The following MGAT4C variants were observed in gnomAD, a reference collection of about 807,000 sequenced individuals.
MGAT4C encodes alpha-1,3-mannosyl-glycoprotein 4-beta-N-acetylglucosaminyltransferase C.
Under a neutral mutation model 40.1 loss-of-function variants are expected in MGAT4C, and 19 were observed. The ratio of observed to expected loss-of-function variants is 0.47; its 90% CI spans 0.33 to 0.70. MGAT4C has a LOEUF of 0.70. Ranked by LOEUF, MGAT4C falls within the 30% of genes least tolerant of loss-of-function variation. The probability of loss-of-function intolerance (pLI) is 0.02; values close to 1 mark genes in which losing one functional copy is unlikely to be tolerated. For missense variants in MGAT4C, 491 were observed against 563.2 expected (o/e 0.87, Z 1.30); for synonymous variants, 181 against 187.1 (o/e 0.97, Z 0.27).
chr12:86,655,036 T>C (rs1963808334), intron 2 of MGAT4C, among the ~76,000 whole-genome samples: 1 of 152,048 alleles, frequency 6.6e-6, no homozygotes, highest in African/African-American at 2.4e-5. Flanking sequence ...TTGAATACTA[T>C]GCAGTTCTTT....
intron 2 of MGAT4C, among the ~76,000 whole-genome samples, chr12:86,691,554 G>A (rs1456510165): frequency 2.0e-5 from 3 of 152,130 alleles, no homozygotes; most frequent in Non-Finnish European, 2.9e-5. Flanking sequence ...AGTTCACACT[G>A]AGACTGAAGA....
chr12:86,627,980 G>T (rs1340760830), intron 2 of MGAT4C, among the ~76,000 whole-genome samples: 1 of 150,780 alleles, frequency 6.6e-6, no homozygotes, highest in Non-Finnish European at 1.5e-5. Flanking sequence ...CCCATCACAA[G>T]GAAGCTAAAA....
At chr12:86,830,855 C>G (rs1337334887) in intron 1 of MGAT4C, among the ~76,000 whole-genome samples, 1 of 151,774 alleles carries the variant, frequency 6.6e-6, no homozygotes, top group Non-Finnish European at 1.5e-5. Context: ...GCAATTGTAG[C>G]CCCACTCTAC....
intron 2 of MGAT4C, among the ~76,000 whole-genome samples, chr12:86,480,777 T>C (rs1957924908): frequency 6.6e-6 from 1 of 151,822 alleles, no homozygotes; most frequent in African/African-American, 2.4e-5. Context: ...TAACACAAAA[T>C]AGGTGCTAAA....
chr12:86,521,909 G>A (rs1958801405), intron 2 of MGAT4C, among the ~76,000 whole-genome samples: 1 of 152,020 alleles, frequency 6.6e-6, no homozygotes, highest in Non-Finnish European at 1.5e-5. Flanking sequence ...TGGCTAGATT[G>A]TTGTTGTAGT....
In MGAT4C at chr12:86,278,178, C is replaced by CTT. The variant is rs57981698; in HGVS notation, c.-57+55885_-57+55886dup. ...GAAATGGGATTAGTTTGTTGACTTC[C>CTT]TTTTTTTTTTTTTTTTTTAAGATGG... On this transcript the variant is annotated intron_variant, in intron 4 of 7. Coordinates refer to the MGAT4C transcript ENST00000548651. Among the ~76,000 whole-genome samples the CTT allele has an allele frequency of 6.9e-4, 69 of 99,942 alleles. 2 individuals carry two copies. The highest frequency in any genetic ancestry group is 1.0e-3 in the Non-Finnish European group (55 of 52,466). The allele number at this position is 99,942 out of a possible 152,430, so 65.6% of individuals were successfully genotyped here. A position where few individuals can be genotyped will look rare whatever the true frequency, so the allele number is the denominator to read the frequency against.
rs1482095757 is a variant in MGAT4C, at chr12:85,968,825, T to G, written c.*10464A>C. 6.6e-6 allele frequency: 1 copy of G among 151,822 alleles called. No homozygotes were observed. The highest frequency in any genetic ancestry group is 1.5e-5 in the Non-Finnish European group (1 of 67,794). 9.4% of individuals were successfully genotyped at this position (151,822 alleles called of 1,614,324 possible). On this transcript the variant is annotated 3_prime_UTR_variant, in exon 5 of 5. Coordinates refer to ENST00000611864, the MANE Select transcript of MGAT4C (RefSeq NM_001351288.2). ...AGAGATGTTAATGAACAGCCAGACT[T>G]AAAAACTAGTAATTTAGACAAGTGT...
chr12:86,837,021 T>C (rs931615085), intron 1 of MGAT4C, among the ~76,000 whole-genome samples: 3 of 152,106 alleles, frequency 2.0e-5, no homozygotes, highest in Non-Finnish European at 4.4e-5. Context: ...AGCCATCGAA[T>C]TGTAAAACTC....
rs564291663 is a variant in MGAT4C at position 85,956,612 on chromosome 12, T to C, written c.*22677A>G. 6.6e-6 allele frequency: 1 copy of C among 152,286 alleles called. No homozygotes were observed. Among genetic ancestry groups the C allele is most frequent in the South Asian group, 2.1e-4 (1 of 4,826 alleles). 9.4% of individuals were successfully genotyped at this position (152,286 alleles called of 1,614,324 possible). ...TCAAACAGCATTACTTGGTATGGTG[T>C]AGAGAAAACAAAAATGTCATAACAA... On this transcript the variant is annotated 3_prime_UTR_variant, in exon 5 of 5. Transcript: ENST00000611864.
At chr12:86,191,882 G>A (rs532004217) in intron 1 of MGAT4C, among the ~76,000 whole-genome samples, 1 of 148,496 alleles carries the variant, frequency 6.7e-6, no homozygotes, top group Admixed American at 6.7e-5. Flanking sequence ...AAGAAAATAT[G>A]GCACATATAC....
intron 1 of MGAT4C, among the ~76,000 whole-genome samples, chr12:86,831,430 G>T (rs989984727): frequency 6.6e-6 from 1 of 151,594 alleles, no homozygotes; most frequent in Non-Finnish European, 1.5e-5. Context: ...TCTTCCTGTA[G>T]ACTAAAAATC....
intron 2 of MGAT4C, among the ~76,000 whole-genome samples, chr12:86,493,539 T>C (rs1209661942): frequency 1.3e-5 from 2 of 151,014 alleles, no homozygotes; most frequent in Non-Finnish European, 2.9e-5. Flanking sequence ...CAGTAAACTA[T>C]CGCAAGGACA....
At chr12:86,683,299 T>A (rs111847424) in intron 2 of MGAT4C, among the ~76,000 whole-genome samples, 210 of 152,338 alleles carry the variant, frequency 1.4e-3, no homozygotes, top group Non-Finnish European at 2.4e-3. Flanking sequence ...TACCTATCTA[T>A]AATCTATCTT....
At chr12:86,185,889 T>C (rs1888700430) in intron 1 of MGAT4C, among the ~76,000 whole-genome samples, 1 of 152,056 alleles carries the variant, frequency 6.6e-6, no homozygotes, top group Admixed American at 6.6e-5. Context: ...TAACAGGTGG[T>C]ATTTTAAATA....
At chr12:86,135,755 C>G (rs1881854167) in intron 1 of MGAT4C, among the ~76,000 whole-genome samples, 1 of 152,132 alleles carries the variant, frequency 6.6e-6, no homozygotes. Context: ...GATTTAGCAG[C>G]ATCTTAATGT....
intron 3 of MGAT4C, among the ~76,000 whole-genome samples, chr12:86,393,258 ATACACACAGAAAAACTTT>A (rs1956188962): frequency 6.6e-6 from 1 of 152,182 alleles, no homozygotes; most frequent in African/African-American, 2.4e-5. Context: ...AAGTACAGAA[ATACACACAGAAAAACTTT>A]TCCTACAGCA....
At chr12:86,423,811 T>C (rs1956876702) in intron 3 of MGAT4C, among the ~76,000 whole-genome samples, 1 of 152,236 alleles carries the variant, frequency 6.6e-6, no homozygotes. Context: ...GAATTGGCAC[T>C]GTCTTGCCTA....
rs1247218944 is a variant in MGAT4C, at chr12:86,037,687, GC to G, written c.-7+11986del. ...TTATTATTTCCATTCTTTTGCATTTGCTGAGGAGTGTTTTACTTCCAATTAT... is the reference window on the plus strand; with the variant it reads ...TTATTATTTCCATTCTTTTGCATTTGTGAGGAGTGTTTTACTTCCAATTAT... On this transcript the variant is annotated intron_variant, in intron 2 of 4. Transcript: ENST00000611864. 6.6e-5 allele frequency among the ~76,000 whole-genome samples: 9 copies of G among 136,516 alleles called. 1 individual carries two copies. Among genetic ancestry groups the G allele is most frequent in the South Asian group, 4.3e-4 (2 of 4,638 alleles). The allele number at this position is 136,516 out of a possible 152,430, so 89.6% of individuals were successfully genotyped here.
At chr12:86,486,341 G>T (rs910226693) in intron 2 of MGAT4C, among the ~76,000 whole-genome samples, 1 of 149,560 alleles carries the variant, frequency 6.7e-6, no homozygotes, top group Admixed American at 6.7e-5. Context: ...GACATGTACA[G>T]GTTCAACATA....
Sources: gnomAD v4.1 joint callset for allele counts (sites outside exome capture counted in the v4.1 genomes callset) on GRCh38, gnomAD v4.1.1 for gene constraint, MANE v1.5 for transcripts, NCBI Gene and HGNC (gene_info 2026-07-23, HGNC 2026-07-21) for gene names.